GIPC1: variants seen among roughly 807,000 people sequenced by gnomAD.
The protein encoded by GIPC1 is GIPC PDZ domain containing family member 1.
GIPC1 carries 15 observed loss-of-function variants against 28.5 expected under a neutral mutation model. The ratio of observed to expected loss-of-function variants is 0.53; its 90% CI spans 0.35 to 0.81. The LOEUF (loss-of-function observed/expected upper bound fraction) is 0.81. GIPC1 is among the 30% of genes least tolerant of loss of function. GIPC1 has a pLI of 0.01. For missense variants in GIPC1, 439 were observed against 481.9 expected, an observed-to-expected ratio of 0.91 and a Z score of 0.83; for synonymous variants, 224 against 206.1, an observed-to-expected ratio of 1.09 and a Z score of -0.74.
Position 14,480,505 on chromosome 19 carries a change from T to G in GIPC1, c.475-20A>C. The G allele has an allele frequency of 6.2e-7, 1 of 1,606,700 alleles. No individual in the cohort carries two copies. The highest frequency in any genetic ancestry group is 8.5e-7 in the Non-Finnish European group (1 of 1,174,878). On this transcript the variant is annotated intron_variant, in intron 5 of 8. Coordinates refer to ENST00000393033, the MANE Select transcript of GIPC1 (RefSeq NM_005716.4). ...GATGCGCTGCGGGGGCGGGGAGTCA[T>G]CAGCCCTTGGGGCTCTGCCCTGGTT...
At position 14,479,402 on chromosome 19, in the gene GIPC1, GA is replaced by G; in HGVS notation, c.768+9del. ...GGATGCCGGAGATAGGGTCCGGCTGGAGCACTCACCAGATCCTCCACCGTGG... is the reference window on the plus strand; with the variant it reads ...GGATGCCGGAGATAGGGTCCGGCTGGGCACTCACCAGATCCTCCACCGTGG... On this transcript the variant is annotated intron_variant, in intron 7 of 8. Coordinates refer to ENST00000393033, the MANE Select transcript of GIPC1 (RefSeq NM_005716.4). 1 of 1,199,370 alleles carries G rather than the reference GA, an allele frequency of 8.3e-7. No individual in the cohort carries two copies. Among genetic ancestry groups the G allele is most frequent in the Non-Finnish European group, 1.1e-6 (1 of 894,068 alleles). 74.3% of individuals were successfully genotyped at this position (1,199,370 alleles called of 1,614,324 possible).
chr19:14,496,041 T>TCAG lies in GIPC1; in HGVS notation c.-180_-179insCTG. 1 of 225,788 alleles carries TCAG rather than the reference T, an allele frequency of 4.4e-6. No homozygotes were observed. Among genetic ancestry groups the TCAG allele is most frequent in the Non-Finnish European group, 8.4e-6 (1 of 119,492 alleles). The allele number at this position is 225,788 out of a possible 1,614,324, so 14.0% of individuals were successfully genotyped here. A position where few individuals can be genotyped will look rare whatever the true frequency, so the allele number is the denominator to read the frequency against. ...CTTCTCGCAGAGGCCACTCACCTGCTCCGCCGCCGCCGCCGCCGCCGCCGC... is the reference window on the plus strand; with the variant it reads ...CTTCTCGCAGAGGCCACTCACCTGCTCAGCCGCCGCCGCCGCCGCCGCCGCCGC... On this transcript the variant is annotated 5_prime_UTR_variant, in exon 1 of 9. Transcript: ENST00000393033.
chr19:14,490,136 C>T (rs183059044), intron 3 of GIPC1, among the ~76,000 whole-genome samples: 13 of 152,140 alleles, frequency 8.5e-5, no homozygotes, highest in Admixed American at 1.3e-4. Context: ...GAGGCCGAGG[C>T]GGGCGGATCA....
At chr19:14,482,309 T>A in intron 4 of GIPC1, 1 of 307,294 alleles carries the variant, frequency 3.3e-6, no homozygotes, top group East Asian at 9.5e-5. Flanking sequence ...GGTCTCTCAG[T>A]GCCTGTTGGG....
rs1469512319 is a variant in GIPC1, at chr19:14,482,809, G to C, written c.168C>G (p.Pro56=). ...CCAGCTGGGTGTGGAACACGAGGCG[G>C]GGCCGCAGGGCTGGGGGAGGGGGGG... ...GLPPPPPALR[P]RLVFHTQLAH... Residue 56 remains proline (P), a synonymous_variant, in exon 4 of 9, where the codon CCC becomes CCG. Transcript: ENST00000393033. 3.1e-6 allele frequency: 5 copies of C among 1,595,428 alleles called. No individual in the cohort carries two copies. The highest frequency in any genetic ancestry group is 3.4e-6 in the Non-Finnish European group (4 of 1,172,206).
At chr19:14,485,702 T>TATAGAGAGAGAGAG (rs1300117748) in intron 3 of GIPC1, among the ~76,000 whole-genome samples, 4 of 58,794 alleles carry the variant, frequency 6.8e-5, no homozygotes, top group African/African-American at 1.1e-4. Context: ...TATATATATA[T>TATAGAGAGAGAGAG]AGAGAGAGAG....
At chr19:14,492,067 C>T (rs2071986774) in intron 2 of GIPC1, among the ~76,000 whole-genome samples, 1 of 151,048 alleles carries the variant, frequency 6.6e-6, no homozygotes, top group Non-Finnish European at 1.5e-5. Context: ...GGCTCCATCT[C>T]AAAAAAAAGA....
intron 3 of GIPC1, chr19:14,489,482 G>C: frequency 1.1e-6 from 1 of 951,316 alleles, no homozygotes; most frequent in South Asian, 1.3e-5. Context: ...GGAATATTGC[G>C]GGGATTTGAT....
chr19:14,491,366 C>T (rs570382854), intron 3 of GIPC1, among the ~76,000 whole-genome samples: 6 of 152,004 alleles, frequency 3.9e-5, no homozygotes, highest in Admixed American at 2.6e-4. Context: ...TCAAGCGATT[C>T]TCCTGCCTCA....
intron 3 of GIPC1, among the ~76,000 whole-genome samples, chr19:14,486,634 T>C (rs532354285): frequency 6.0e-4 from 92 of 152,234 alleles, no homozygotes; most frequent in African/African-American, 2.1e-3. Flanking sequence ...CTTTGCTGAA[T>C]TCAGCCACTA....
chr19:14,479,556 G>T, intron 6 of GIPC1, 32 bp from the exon 7 acceptor site: 1 of 1,207,922 alleles, frequency 8.3e-7, no homozygotes, highest in Non-Finnish European at 1.1e-6. Flanking sequence ...TGAGTGTGGG[G>T]GAAGCTTGGT....
At chr19:14,490,105 C>T (rs1445471289) in intron 3 of GIPC1, among the ~76,000 whole-genome samples, 2 of 152,286 alleles carry the variant, frequency 1.3e-5, no homozygotes, top group East Asian at 1.9e-4. Context: ...GTGGCTCACA[C>T]CTGTAATCCC....
Position 14,478,776 on chromosome 19 carries a change from G to A in GIPC1, c.769-11C>T, listed in dbSNP as rs1823838740. The A allele has an allele frequency of 1.9e-6, 3 of 1,600,964 alleles. No individual in the cohort carries two copies. The highest frequency in any genetic ancestry group is 2.6e-6 in the Non-Finnish European group (3 of 1,168,266). ...TTCAAAGGCAGAGGGCTGGGGGCCAGGGAGGGGTGACAGCGACATCATAAC... is the reference window on the plus strand; with the variant it reads ...TTCAAAGGCAGAGGGCTGGGGGCCAAGGAGGGGTGACAGCGACATCATAAC... On this transcript the variant is annotated splice_polypyrimidine_tract_variant and intron_variant, in intron 7 of 8. Transcript: ENST00000393033. This position sits in a 1 kb window ranked among gnomAD's most constrained non-coding sequence, Gnocchi z 5.2.
In GIPC1 at chr19:14,478,764, G is replaced by A. The variant is rs747094868; in HGVS notation, c.770C>T (p.Pro257Leu). 1 of 1,611,416 alleles carries A rather than the reference G, an allele frequency of 6.2e-7. No individual in the cohort carries two copies. Among genetic ancestry groups the A allele is most frequent in the South Asian group, 1.1e-5 (1 of 90,960 alleles). ...SRGPATVEDLPSAFEEKAIEK... is the reference protein window; with the variant it reads ...SRGPATVEDLLSAFEEKAIEK... The stretch of plus-strand genomic sequence containing the variant: ...AATGGCCTTCTCTTCAAAGGCAGAG[G>A]GCTGGGGGCCAGGGAGGGGTGACAG... The change falls in exon 8 of 9, where the codon CCC becomes CTC. Residue 257 changes from proline to leucine, a missense_variant and splice_region_variant. By Grantham distance (98) the Pro-to-Leu change is moderately conservative. Transcript: ENST00000393033. The surrounding 1 kb of genome is among the most constrained non-coding windows in gnomAD (Gnocchi z 5.2).
At chr19:14,480,051 G>A in intron 6 of GIPC1, 1 of 586,840 alleles carries the variant, frequency 1.7e-6, no homozygotes, top group Non-Finnish European at 3.0e-6. Context: ...AGGGCTGAGG[G>A]CGCTTGGCTG....
chr19:14,489,543 A>G, intron 3 of GIPC1: 1 of 931,696 alleles, frequency 1.1e-6, no homozygotes, highest in Non-Finnish European at 1.8e-6. Context: ...CGACTAGTGG[A>G]CAACAGAAAA....
At chr19:14,480,192 C>A in intron 6 of GIPC1, 113 bp downstream of exon 6, 1 of 892,360 alleles carries the variant, frequency 1.1e-6, no homozygotes, top group South Asian at 1.5e-5. Flanking sequence ...TTTCTGCAAC[C>A]CCTTCCCTTT....
intron 3 of GIPC1, among the ~76,000 whole-genome samples, chr19:14,490,075 A>T (rs910473296): frequency 6.6e-6 from 1 of 152,110 alleles, no homozygotes; most frequent in African/African-American, 2.4e-5. Context: ...TCCAGAACTT[A>T]CAGTAGTTGG....
intron 4 of GIPC1, 70 bp downstream of exon 4, chr19:14,482,619 T>G: frequency 6.8e-7 from 1 of 1,460,044 alleles, no homozygotes. Flanking sequence ...CCCCAGCTCA[T>G]GAACAGGATG....
Sources: gnomAD v4.1 joint callset for allele counts (sites outside exome capture counted in the v4.1 genomes callset) on GRCh38, gnomAD v4.1.1 for gene constraint, Gnocchi (gnomAD v3.1) non-coding constraint, MANE v1.5 for transcripts, NCBI Gene and HGNC (gene_info 2026-07-23, HGNC 2026-07-21) for gene names.